CLIC5: variants seen among roughly 807,000 people sequenced by gnomAD.
CLIC5 encodes chloride intracellular channel protein 5.
In CLIC5, 20 loss-of-function variants were observed where a neutral mutation model predicts 24.7. The observed-to-expected ratio is 0.81, with a 90% CI of 0.57 to 1.18. The LOEUF is 1.18. Among genes scored for constraint, CLIC5 ranks in the 50% most tolerant of loss-of-function variants. The probability of loss-of-function intolerance (pLI) is 0.00; values close to 1 mark genes in which losing one functional copy is unlikely to be tolerated. For synonymous variants in CLIC5, 159 were observed against 135.6 expected (o/e 1.17, Z -1.20); for missense variants, 341 against 326.1 (o/e 1.05, Z -0.35).
chr6:46,050,842 A>AGTGTGTGTGTGTGT (rs1362299564), intron 1 of CLIC5, among the ~76,000 whole-genome samples: 1 of 93,194 alleles, frequency 1.1e-5, no homozygotes, highest in Non-Finnish European at 2.3e-5. Flanking sequence ...TAAGGTATAA[A>AGTGTGTGTGTGTGT]GTGTGTGTGT....
Position 45,914,216 on chromosome 6 carries a change from G to T in CLIC5, c.588+12C>A. The T allele has an allele frequency of 6.4e-7, 1 of 1,558,666 alleles. No individual in the cohort carries two copies. Among genetic ancestry groups the T allele is most frequent in the Non-Finnish European group, 8.7e-7 (1 of 1,144,076 alleles). On this transcript the variant is annotated intron_variant, in intron 5 of 5. Transcript: ENST00000339561. ...TGGATCTTGCAGGCCCCTGTGGGTAGAGCTCTCTTACCTTGACCACATGGA... is the reference window on the plus strand; with the variant it reads ...TGGATCTTGCAGGCCCCTGTGGGTATAGCTCTCTTACCTTGACCACATGGA...
chr6:45,931,215 A>G (rs1763723914), intron 4 of CLIC5, among the ~76,000 whole-genome samples: 1 of 152,330 alleles, frequency 6.6e-6, no homozygotes, highest in East Asian at 1.9e-4. Flanking sequence ...GAGGCTATGT[A>G]GCTTGCAAAG....
intron 1 of CLIC5, among the ~76,000 whole-genome samples, chr6:46,042,367 GT>G (rs145934150): frequency 0.057 from 8,674 of 151,686 alleles, 279 homozygotes; most frequent in Non-Finnish European, 0.072. Context: ...AGTTCTGTAG[GT>G]TTTTTTTGTT....
the CLIC5 span, among the ~76,000 whole-genome samples, chr6:46,108,007 C>T: frequency 7.5e-5 from 7 of 92,972 alleles, no homozygotes; most frequent in East Asian, 1.7e-3. Flanking sequence ...GCACTCCAGC[C>T]AGGGCAACAA....
chr6:45,905,437 T>C (rs576073006), intron 5 of CLIC5, among the ~76,000 whole-genome samples: 1 of 151,906 alleles, frequency 6.6e-6, no homozygotes, highest in East Asian at 1.9e-4. Context: ...GGTGTCTCCT[T>C]GTGCTTTTAA....
chr6:46,045,411 C>G (rs781047534), intron 1 of CLIC5, among the ~76,000 whole-genome samples: 2 of 151,998 alleles, frequency 1.3e-5, no homozygotes, highest in African/African-American at 2.4e-5. Flanking sequence ...ACTGCCTGCC[C>G]AGGGGAATAT....
chr6:45,979,271 G>A (rs752716747), intron 1 of CLIC5, among the ~76,000 whole-genome samples: 1 of 152,146 alleles, frequency 6.6e-6, no homozygotes. Flanking sequence ...TCAAAGTTCA[G>A]GGGAAGGGGC....
the CLIC5 span, among the ~76,000 whole-genome samples, chr6:46,109,097 A>G: frequency 6.6e-6 from 1 of 152,176 alleles, no homozygotes; most frequent in African/African-American, 2.4e-5. Context: ...ATTACATTAA[A>G]TTGTTGTATG....
the CLIC5 span, among the ~76,000 whole-genome samples, chr6:46,088,850 C>T: frequency 5.3e-5 from 8 of 152,120 alleles, no homozygotes; most frequent in Non-Finnish European, 1.2e-4. Context: ...AACAAGTGAT[C>T]GTCCCAACAA....
At chr6:46,012,303 G>T (rs1178776826) in intron 1 of CLIC5, among the ~76,000 whole-genome samples, 1 of 152,210 alleles carries the variant, frequency 6.6e-6, no homozygotes, top group African/African-American at 2.4e-5. Context: ...AGAGGCAGAG[G>T]CAAGACTTGA....
At chr6:46,034,371 C>T (rs140793808) in intron 1 of CLIC5, among the ~76,000 whole-genome samples, 3 of 152,302 alleles carry the variant, frequency 2.0e-5, no homozygotes, top group African/African-American at 7.2e-5. Flanking sequence ...ACCCACCATT[C>T]GGGTATCCCT....
chr6:45,913,392 C>G (rs1386354092), intron 5 of CLIC5, among the ~76,000 whole-genome samples: 1 of 152,158 alleles, frequency 6.6e-6, no homozygotes, highest in East Asian at 1.9e-4. Flanking sequence ...CAAAGCTGTT[C>G]TCTGTTACTC....
At chr6:45,947,535 C>T (rs1318519817) in intron 3 of CLIC5, among the ~76,000 whole-genome samples, 1 of 152,198 alleles carries the variant, frequency 6.6e-6, no homozygotes, top group African/African-American at 2.4e-5. Flanking sequence ...TCACTGCTTC[C>T]ACTTTCCACT....
the CLIC5 span, chr6:46,097,449 G>GA: frequency 6.6e-6 from 1 of 152,268 alleles, no homozygotes; most frequent in African/African-American, 2.4e-5. Flanking sequence ...TGGAGAGGCA[G>GA]TGGCAGATCT....
chr6:45,921,272 G>A (rs1196823384), intron 4 of CLIC5, among the ~76,000 whole-genome samples: 1 of 152,156 alleles, frequency 6.6e-6, no homozygotes, highest in Non-Finnish European at 1.5e-5. Context: ...GATGGGAAGG[G>A]GACTTTCTAT....
intron 1 of CLIC5, among the ~76,000 whole-genome samples, chr6:45,983,533 C>T (rs1039864891): frequency 6.6e-6 from 1 of 152,156 alleles, no homozygotes; most frequent in African/African-American, 2.4e-5. Flanking sequence ...CCTGCTCCTG[C>T]ATATCACGGC....
At chr6:45,978,767 T>C (rs955524406) in intron 1 of CLIC5, among the ~76,000 whole-genome samples, 1 of 152,026 alleles carries the variant, frequency 6.6e-6, no homozygotes, top group African/African-American at 2.4e-5. Context: ...CTGACCCACA[T>C]AGTGAAATCC....
At chr6:46,009,073 G>C (rs1036203434) in intron 1 of CLIC5, among the ~76,000 whole-genome samples, 1 of 152,044 alleles carries the variant, frequency 6.6e-6, no homozygotes, top group African/African-American at 2.4e-5. Context: ...AGGTACAAGT[G>C]AAGAAGGCAA....
chr6:45,889,866 C>T (rs1480057966), intron 6 of CLIC5, among the ~76,000 whole-genome samples: 7 of 152,060 alleles, frequency 4.6e-5, no homozygotes, highest in African/African-American at 1.4e-4. Context: ...ATTTCAACAG[C>T]AAAAGACTAG....
Sources: gnomAD v4.1 joint callset for allele counts (sites outside exome capture counted in the v4.1 genomes callset) on GRCh38, gnomAD v4.1.1 for gene constraint, MANE v1.5 for transcripts, NCBI Gene and HGNC (gene_info 2026-07-23, HGNC 2026-07-21) for gene names.